The following CPLANE1 variants were observed in gnomAD, a reference collection of about 807,000 sequenced individuals.
The protein encoded by CPLANE1 is ciliogenesis and planar polarity effector 1.
A neutral mutation model predicts 362.5 loss-of-function variants in CPLANE1; 263 were observed. The ratio of observed to expected loss-of-function variants is 0.73; its 90% confidence interval spans 0.66 to 0.80. The LOEUF (loss-of-function observed/expected upper bound fraction) is 0.80. Among genes scored for constraint, CPLANE1 ranks in the 30% least tolerant of loss-of-function variants. The probability of loss-of-function intolerance (pLI) is 0.00; values close to 1 mark genes in which losing one functional copy is unlikely to be tolerated. For missense variants in CPLANE1, 3,461 were observed against 3,793.4 expected (o/e 0.91, Z 2.30); for synonymous variants, 1,212 against 1,302.6 (o/e 0.93, Z 1.50).
At chr5:37,132,100 T>C (rs187949550) in intron 46 of CPLANE1, among the ~76,000 whole-genome samples, 43 of 152,230 alleles carry the variant, frequency 2.8e-4, no homozygotes, top group Admixed American at 2.8e-3. Context: ...AGGTTATATA[T>C]AATACAGCAG....
intron 30 of CPLANE1, 142 bp downstream of exon 30, chr5:37,177,479 C>A (rs1451211221): frequency 1.6e-6 from 1 of 643,572 alleles, no homozygotes; most frequent in Non-Finnish European, 2.8e-6. Context: ...AATCATTTTA[C>A]CATAACTATA....
At chr5:37,206,083 A>G (rs577746144) in intron 17 of CPLANE1, 114 bp downstream of exon 17, 1 of 746,710 alleles carries the variant, frequency 1.3e-6, no homozygotes, top group Admixed American at 2.6e-5. Flanking sequence ...AGAACGTTCC[A>G]TTGAACAATG....
the CPLANE1 span, among the ~76,000 whole-genome samples, chr5:37,077,201 A>G: frequency 6.6e-6 from 1 of 152,100 alleles, no homozygotes; most frequent in African/African-American, 2.4e-5. Context: ...AGAGATGAAG[A>G]GTTGCAGCCA....
Position 37,154,374 on chromosome 5 carries a change from T to C in CPLANE1, c.8120-381A>G, listed in dbSNP as rs553708671. Among the ~76,000 whole-genome samples the C allele has an allele frequency of 2.6e-5, 4 of 151,206 alleles. No homozygotes were observed. In the East Asian group the frequency reaches 7.8e-4, roughly 29 times the overall value. On this transcript the variant is annotated intron_variant, in intron 41 of 52. Transcript: ENST00000651892. ...CTTTATATGAGATCTCAGGCAAACA[T>C]TAAACCTCCTAAAACCAAAATCAAA...
chr5:37,236,723 CAA>C (rs544613605), intron 8 of CPLANE1, among the ~76,000 whole-genome samples: 6 of 102,576 alleles, frequency 5.8e-5, no homozygotes, highest in African/African-American at 7.0e-5. Context: ...ACTCAACAAG[CAA>C]AAAAAAAAAA....
chr5:37,117,774 C>T (rs529922519), intron 50 of CPLANE1, among the ~76,000 whole-genome samples: 19 of 152,336 alleles, frequency 1.2e-4, no homozygotes, highest in African/African-American at 3.6e-4. Flanking sequence ...AGGAGCACCT[C>T]CTCAAGCATA....
At chr5:37,167,683 C>A (rs1778651704) in intron 34 of CPLANE1, among the ~76,000 whole-genome samples, 2 of 152,126 alleles carry the variant, frequency 1.3e-5, no homozygotes, top group African/African-American at 4.8e-5. Context: ...GAGGCTGAGG[C>A]AGGAGAATCA....
chr5:37,173,963 T>A lies in CPLANE1; in HGVS notation c.5979-16A>T. 1 of 1,596,012 alleles carries A rather than the reference T, an allele frequency of 6.3e-7. No homozygotes were observed. On this transcript the variant is annotated splice_polypyrimidine_tract_variant and intron_variant, in intron 31 of 52. Transcript: ENST00000651892. ...AATCTGTGCACTGCGTGGAAAGCAT[T>A]TAAATAAAAAACATGCATTAAAATT...
chr5:37,102,556 T>C (rs1757345875), downstream of CPLANE1, among the ~76,000 whole-genome samples: 1 of 152,182 alleles, frequency 6.6e-6, no homozygotes, highest in African/African-American at 2.4e-5. Context: ...GTGCTATAAA[T>C]TTCCCCATTA....
At chr5:37,092,626 A>C in the CPLANE1 span, among the ~76,000 whole-genome samples, 1 of 152,154 alleles carries the variant, frequency 6.6e-6, no homozygotes, top group East Asian at 1.9e-4. Flanking sequence ...TTTTGTAGCC[A>C]TGTCCCATTC....
At chr5:37,210,549 C>T in intron 16 of CPLANE1, 2 of 1,488,906 alleles carry the variant, frequency 1.3e-6, no homozygotes, top group Non-Finnish European at 1.9e-6. Context: ...AAAGGAGGAA[C>T]TCAATCAATC....
chr5:37,231,177 G>C (rs1797647276), intron 8 of CPLANE1, 128 bp from the exon 9 acceptor site: 7 of 496,276 alleles, frequency 1.4e-5, no homozygotes, highest in Non-Finnish European at 2.3e-5. Context: ...ACTAATAGTA[G>C]ACAATTGCCA....
intron 16 of CPLANE1, chr5:37,210,454 G>A: frequency 2.8e-6 from 3 of 1,067,604 alleles, no homozygotes. Context: ...TACATCATTA[G>A]AACTAATCGA....
At chr5:37,137,763 C>T (rs1031396398) in intron 46 of CPLANE1, among the ~76,000 whole-genome samples, 15 of 152,172 alleles carry the variant, frequency 9.9e-5, no homozygotes, top group African/African-American at 3.6e-4. Context: ...TGACAACTCA[C>T]TCACTAGCAT....
At position 37,169,131 on chromosome 5, in the gene CPLANE1, A is replaced by G; in HGVS notation, c.6893T>C (p.Val2298Ala). 1.2e-6 allele frequency: 2 copies of G among 1,614,066 alleles called. No homozygotes were observed. The highest frequency in any genetic ancestry group is 1.7e-6 in the Non-Finnish European group (2 of 1,179,998). ...QYNTEARKKE[V>A]EQKTWAETVI... is the part of the protein sequence containing the mutation. ...AGTTTCTGCCCACGTCTTCTGCTCA[A>G]CTTCTTTTTTTCTGGCTTCAGTGTT... Residue 2298 changes from valine to alanine, a missense_variant, in exon 34 of 53, where the codon GTT (valine) becomes GCT (alanine). Transcript: ENST00000651892.
At chr5:37,175,861 T>C (rs754633107) in intron 31 of CPLANE1, 48 bp downstream of exon 31, 1 of 1,305,840 alleles carries the variant, frequency 7.7e-7, no homozygotes, top group African/African-American at 1.5e-5. Flanking sequence ...CTCTGTGATT[T>C]GTAAAACACA....
At chr5:37,158,193 T>C (rs754095728) in intron 39 of CPLANE1, 31 bp downstream of exon 39, 2 of 1,607,610 alleles carry the variant, frequency 1.2e-6, no homozygotes, top group Non-Finnish European at 1.7e-6. Flanking sequence ...AGCGCAAAGG[T>C]ATTATTAAAA....
intron 21 of CPLANE1, among the ~76,000 whole-genome samples, chr5:37,192,999 C>G (rs1236620202): frequency 6.6e-6 from 1 of 151,810 alleles, no homozygotes; most frequent in Middle Eastern, 3.4e-3. Flanking sequence ...AAACCCCGCC[C>G]TACTAAAAAG....
Position 37,187,092 on chromosome 5 carries a change from A to G in CPLANE1, c.4080+322T>C, listed in dbSNP as rs550410283. On this transcript the variant is annotated intron_variant, in intron 23 of 52. Transcript: ENST00000651892. Reference sequence around the variant, plus strand: ...AAAAAAAAAAAAAAAAAAAAACTATAGTCACTATATTGTACATTGGATCCC... The same window carrying G: ...AAAAAAAAAAAAAAAAAAAAACTATGGTCACTATATTGTACATTGGATCCC... 1.4e-3 allele frequency among the ~76,000 whole-genome samples: 207 copies of G among 148,742 alleles called. 1 individual carries two copies. The highest frequency in any genetic ancestry group is 3.8e-3 in the South Asian group (18 of 4,726).
Sources: gnomAD v4.1 joint callset for allele counts (sites outside exome capture counted in the v4.1 genomes callset) on GRCh38, gnomAD v4.1.1 for gene constraint, MANE v1.5 for transcripts, NCBI Gene and HGNC (gene_info 2026-07-23, HGNC 2026-07-21) for gene names.